The following SYNPR variants were observed in gnomAD, a reference collection of about 807,000 sequenced individuals.
SYNPR encodes the protein synaptoporin.
A neutral mutation model predicts 32.9 loss-of-function variants in SYNPR; 23 were observed. The ratio of observed to expected loss-of-function variants is 0.70; its 90% CI spans 0.50 to 0.99. The LOEUF (loss-of-function observed/expected upper bound fraction) is 0.99. Among genes scored for constraint, SYNPR ranks in the 50% least tolerant of loss-of-function variants. The pLI is 0.00. For synonymous variants in SYNPR, 146 were observed against 135.9 expected (o/e 1.07, Z -0.52); for missense variants, 318 against 349.3 (o/e 0.91, Z 0.71).
the SYNPR span, among the ~76,000 whole-genome samples, chr3:63,211,530 T>G: frequency 6.6e-6 from 1 of 152,202 alleles, no homozygotes; most frequent in South Asian, 2.1e-4. Flanking sequence ...TATTTTGTTA[T>G]AAAGTTGTTC....
intron 4 of SYNPR, among the ~76,000 whole-genome samples, chr3:63,605,626 C>T (rs1303262435): frequency 1.3e-5 from 2 of 152,148 alleles, no homozygotes; most frequent in Non-Finnish European, 2.9e-5. Flanking sequence ...TATAATGTAC[C>T]AGTTGGTGAA....
intron 5 of SYNPR, chr3:63,610,348 A>G: frequency 2.1e-6 from 1 of 482,464 alleles, no homozygotes; most frequent in Non-Finnish European, 3.7e-6. Context: ...TACATAAGCT[A>G]TAATGGCAGC....
chr3:63,328,012 G>T (rs1005389839), intron 2 of SYNPR, among the ~76,000 whole-genome samples: 1 of 152,058 alleles, frequency 6.6e-6, no homozygotes, highest in African/African-American at 2.4e-5. Context: ...CAAATTAATT[G>T]GGCATAAATT....
At chr3:63,613,605 T>G (rs1700233162) in intron 5 of SYNPR, among the ~76,000 whole-genome samples, 1 of 54,334 alleles carries the variant, frequency 1.8e-5, no homozygotes, top group Admixed American at 3.2e-4. Context: ...CAATTTATGC[T>G]GCAGCAAAAA....
At chr3:63,401,994 A>G (rs2088299042) in intron 2 of SYNPR, among the ~76,000 whole-genome samples, 1 of 152,138 alleles carries the variant, frequency 6.6e-6, no homozygotes, top group African/African-American at 2.4e-5. Flanking sequence ...TGCTGATCCT[A>G]AGAGAGATGC....
At chr3:63,334,242 C>G (rs1338049196) in intron 2 of SYNPR, among the ~76,000 whole-genome samples, 3 of 152,088 alleles carry the variant, frequency 2.0e-5, no homozygotes, top group African/African-American at 7.2e-5. Flanking sequence ...AATCTATGTG[C>G]TTGTAAGACC....
intron 3 of SYNPR, among the ~76,000 whole-genome samples, chr3:63,538,092 C>T (rs1326963868): frequency 6.6e-6 from 1 of 152,000 alleles, no homozygotes; most frequent in Non-Finnish European, 1.5e-5. Flanking sequence ...TGGTTTGAAA[C>T]ATTTGAATGG....
At chr3:63,273,869 T>C (rs2086555180), upstream of SYNPR, among the ~76,000 whole-genome samples, 1 of 152,216 alleles carries the variant, frequency 6.6e-6, no homozygotes, top group Non-Finnish European at 1.5e-5. Context: ...AAAAATGCTT[T>C]ATTTCATCTT....
In SYNPR at chr3:63,595,844, G is replaced by T. The variant is rs61322131; in HGVS notation, c.409-13281G>T. On this transcript the variant is annotated intron_variant, in intron 4 of 5. Transcript: ENST00000478300. ...TTATATATATATAGTTATATATATA[G>T]TTTTATATATATATAGTTATATATA... is the stretch of plus-strand genomic sequence containing the variant. Among the ~76,000 whole-genome samples the T allele has an allele frequency of 1.8e-3, 89 of 49,804 alleles. 7 individuals carry two copies. The East Asian group carries it at 0.039, about 22-fold the overall frequency. 32.7% of individuals were successfully genotyped at this position (49,804 alleles called of 152,430 possible). A position where few individuals can be genotyped will look rare whatever the true frequency, so the allele number is the denominator to read the frequency against.
At chr3:63,259,084 T>G (rs146176248) in intron 2 of SYNPR, among the ~76,000 whole-genome samples, 3 of 151,942 alleles carry the variant, frequency 2.0e-5, no homozygotes. Flanking sequence ...ATAATTAATA[T>G]CTTACCAACA....
intron 3 of SYNPR, among the ~76,000 whole-genome samples, chr3:63,524,766 T>C (rs915714780): frequency 3.3e-5 from 5 of 152,200 alleles, no homozygotes; most frequent in South Asian, 2.1e-4. Flanking sequence ...TCCAATGCTA[T>C]GCTATTTTTT....
At chr3:63,559,965 G>A (rs1258439514) in intron 4 of SYNPR, among the ~76,000 whole-genome samples, 2 of 151,874 alleles carry the variant, frequency 1.3e-5, no homozygotes, top group African/African-American at 4.8e-5. Context: ...CACATAAAGT[G>A]GGAAAAAAAC....
At chr3:63,370,092 T>A (rs1404383898) in intron 2 of SYNPR, among the ~76,000 whole-genome samples, 3 of 152,212 alleles carry the variant, frequency 2.0e-5, no homozygotes, top group Non-Finnish European at 4.4e-5. Context: ...ACATTCTTTC[T>A]GATTTTTGAT....
intron 2 of SYNPR, among the ~76,000 whole-genome samples, chr3:63,363,499 A>C (rs942779649): frequency 4.6e-5 from 7 of 152,220 alleles, no homozygotes; most frequent in African/African-American, 1.7e-4. Flanking sequence ...GTGATAACTC[A>C]GTTTAGAACA....
Position 63,318,949 on chromosome 3 carries a change from G to A in SYNPR, c.84+40207G>A, listed in dbSNP as rs576415808. On this transcript the variant is annotated intron_variant, in intron 2 of 5. Coordinates refer to ENST00000478300, the MANE Select transcript of SYNPR (RefSeq NM_001130003.2). ...TTCAGATTCTTTTGTCCTACAGGGT[G>A]TTCCCTTGACGTAGTACTCTCCCCC... 8.3e-4 allele frequency among the ~76,000 whole-genome samples: 126 copies of A among 152,110 alleles called. 1 individual carries two copies. Among genetic ancestry groups the A allele is most frequent in the African/African-American group, 2.8e-3 (118 of 41,536 alleles).
chr3:63,484,668 T>C (rs1162515961), intron 3 of SYNPR, among the ~76,000 whole-genome samples: 1 of 152,202 alleles, frequency 6.6e-6, no homozygotes, highest in East Asian at 1.9e-4. Context: ...GATTATGTAG[T>C]CATTACACAG....
chr3:63,340,327 A>G (rs533798894), intron 2 of SYNPR, among the ~76,000 whole-genome samples: 4 of 152,202 alleles, frequency 2.6e-5, no homozygotes, highest in African/African-American at 7.2e-5. Context: ...ATTTTGCTAT[A>G]AAATGTTTTA....
chr3:63,421,729 G>A (rs140839899), intron 2 of SYNPR, among the ~76,000 whole-genome samples: 60 of 152,254 alleles, frequency 3.9e-4, no homozygotes, highest in African/African-American at 1.3e-3. Flanking sequence ...CTCATCTGAG[G>A]CTTTAGGTCC....
At chr3:63,566,001 T>C (rs1343619231) in intron 4 of SYNPR, among the ~76,000 whole-genome samples, 3 of 152,156 alleles carry the variant, frequency 2.0e-5, no homozygotes, top group African/African-American at 7.2e-5. Context: ...CTCTTTCCTC[T>C]AAGCTCTGCT....
Sources: gnomAD v4.1 joint callset for allele counts (sites outside exome capture counted in the v4.1 genomes callset) on GRCh38, gnomAD v4.1.1 for gene constraint, MANE v1.5 for transcripts, NCBI Gene and HGNC (gene_info 2026-07-23, HGNC 2026-07-21) for gene names.